The following HMCN1 variants were observed in gnomAD, a reference collection of about 807,000 sequenced individuals.
The protein encoded by HMCN1 is hemicentin-1.
A neutral mutation model predicts 625.9 loss-of-function variants in HMCN1; 321 were observed. The ratio of observed to expected loss-of-function variants is 0.51; its 90% CI spans 0.47 to 0.56. HMCN1 has a LOEUF of 0.56. Among genes scored for constraint, HMCN1 ranks in the 20% least tolerant of loss-of-function variants. The probability of loss-of-function intolerance (pLI) is 0.00; values close to 1 mark genes in which losing one functional copy is unlikely to be tolerated. For missense variants in HMCN1, 6,588 were observed against 6,887.3 expected, an observed-to-expected ratio of 0.96 and a Z score of 1.54; for synonymous variants, 2,425 against 2,417.6, an observed-to-expected ratio of 1.00 and a Z score of -0.09.
chr1:185,923,169 TG>T (rs1368038489), intron 7 of HMCN1, among the ~76,000 whole-genome samples: 1 of 152,210 alleles, frequency 6.6e-6, no homozygotes, highest in East Asian at 1.9e-4. Context: ...TTTTTTTACA[TG>T]TAAACATAGT....
At position 185,923,581 on chromosome 1, in the gene HMCN1, G is replaced by C. The variant is rs1307418381; in HGVS notation, c.1213G>C (p.Val405Leu). ...VPPNEAFFLK[V>L]TGYDKDDYLF... ...ACCAAATGAAGCTTTCTTTCTCAAA[G>C]TAACAGGCTATGATAAAGATGATTA... Residue 405 changes from valine (V) to leucine (L), a missense_variant, in exon 8 of 107, where the codon GTA becomes CTA. Physicochemically the swap from Val to Leu is conservative, Grantham distance 32. This residue lies in a region of HMCN1 where 4,628 missense variants were observed against 4,853.1 expected (regional missense o/e 0.95). Coordinates refer to ENST00000271588, the MANE Select transcript of HMCN1 (RefSeq NM_031935.3). 6.2e-7 allele frequency: 1 copy of C among 1,609,922 alleles called. No homozygotes were observed. The highest frequency in any genetic ancestry group is 1.3e-5 in the African/African-American group (1 of 74,852).
chr1:185,978,269 T>C, intron 16 of HMCN1: 1 of 311,862 alleles, frequency 3.2e-6, no homozygotes, highest in Non-Finnish European at 6.0e-6. Flanking sequence ...TCTGAGCCTT[T>C]ACATAGATAA....
intron 36 of HMCN1, among the ~76,000 whole-genome samples, chr1:186,037,170 T>C (rs1211557930): frequency 6.6e-6 from 1 of 152,028 alleles, no homozygotes; most frequent in Non-Finnish European, 1.5e-5. Flanking sequence ...TTTTTTTCTA[T>C]CAACTTCAGA....
intron 26 of HMCN1, 120 bp from the exon 27 acceptor site, chr1:186,001,178 T>C: frequency 2.3e-6 from 2 of 851,580 alleles, no homozygotes; most frequent in Non-Finnish European, 3.7e-6. Context: ...TGCTTAAATA[T>C]GTCTAGCTTT....
At position 186,093,273 on chromosome 1, in the gene HMCN1, T is replaced by A; in HGVS notation, c.10012+15T>A. 3 of 1,613,140 alleles carry A rather than the reference T, an allele frequency of 1.9e-6. No homozygotes were observed. The highest frequency in any genetic ancestry group is 2.2e-5 in the South Asian group (2 of 91,068). On this transcript the variant is annotated intron_variant, in intron 65 of 106. Transcript: ENST00000271588. ...GAATGTCTATGGTAAATATGAAATA[T>A]CCCCCTCTTTTGATGATGCTGCCTT... is the stretch of plus-strand genomic sequence containing the variant.
rs1246322277 is a variant in HMCN1, at chr1:186,095,144, A to C, written c.10295-99A>C. 5 of 1,218,304 alleles carry C rather than the reference A, an allele frequency of 4.1e-6. 1 individual carries two copies. The highest frequency in any genetic ancestry group is 1.5e-5 in the African/African-American group (1 of 65,664). 75.5% of individuals were successfully genotyped at this position (1,218,304 alleles called of 1,614,324 possible). The stretch of plus-strand genomic sequence containing the variant: ...CAATTTTAAAGTATATATTTTTATC[A>C]ACCACAGAAACATTATAGAATTATT... On this transcript the variant is annotated intron_variant, in intron 67 of 106. Transcript: ENST00000271588.
chr1:186,162,578 C>T (rs1183750734), intron 97 of HMCN1, among the ~76,000 whole-genome samples: 3 of 152,180 alleles, frequency 2.0e-5, no homozygotes, highest in Non-Finnish European at 4.4e-5. Context: ...TGGTGATGTA[C>T]AGATGGGTTT....
intron 1 of HMCN1, among the ~76,000 whole-genome samples, chr1:185,748,034 ATTTTTTTTT>A (rs36021341): frequency 1.6e-4 from 19 of 118,146 alleles, no homozygotes; most frequent in African/African-American, 5.3e-4. Flanking sequence ...GGTACTTAAA[ATTTTTTTTT>A]TTTTTTTTTT....
In HMCN1 at chr1:186,187,980, A is replaced by C. The variant is rs759183557; in HGVS notation, c.16512A>C (p.Pro5504=). 20 of 1,613,668 alleles carry C rather than the reference A, an allele frequency of 1.2e-5. No individual in the cohort carries two copies. In the African/African-American group the frequency reaches 1.9e-4, roughly 15 times the overall value. The change falls in exon 106 of 107, where the codon CCA becomes CCC. Residue 5504 remains proline (P), a synonymous_variant. Coordinates refer to ENST00000271588, the MANE Select transcript of HMCN1 (RefSeq NM_031935.3). ...ACCAGTGCATCGATACACCCTGTCCACCCAACTACCAACGGGATCCTGTTT... is the reference window on the plus strand; with the variant it reads ...ACCAGTGCATCGATACACCCTGTCCCCCCAACTACCAACGGGATCCTGTTT... ...GSYQCIDTPC[P]PNYQRDPVSG... is the part of the protein sequence containing the mutation.
chr1:185,999,669 T>C (rs1353683907), intron 25 of HMCN1, among the ~76,000 whole-genome samples: 1 of 152,128 alleles, frequency 6.6e-6, no homozygotes, highest in Non-Finnish European at 1.5e-5. Flanking sequence ...GATGGTGTCT[T>C]ATTTTTGCTC....
intron 1 of HMCN1, among the ~76,000 whole-genome samples, chr1:185,752,077 A>G (rs1436771420): frequency 6.6e-6 from 1 of 151,762 alleles, no homozygotes; most frequent in Non-Finnish European, 1.5e-5. Context: ...AGGGGTTTGC[A>G]TTTGCTTTTT....
At chr1:185,928,469 A>G in intron 9 of HMCN1, 77 bp from the exon 10 acceptor site, 1 of 1,249,130 alleles carries the variant, frequency 8.0e-7, no homozygotes. Flanking sequence ...TGAACCTTCA[A>G]AAGAAATAGT....
At chr1:185,738,778 A>G (rs1653773731) in intron 1 of HMCN1, among the ~76,000 whole-genome samples, 1 of 152,236 alleles carries the variant, frequency 6.6e-6, no homozygotes, top group Admixed American at 6.5e-5. Context: ...ATAGATTTAT[A>G]AAGCTCTTCT....
At chr1:186,150,134 A>G in intron 93 of HMCN1, among the ~76,000 whole-genome samples, 1 of 63,206 alleles carries the variant, frequency 1.6e-5, no homozygotes, top group East Asian at 1.1e-3. Flanking sequence ...TTCAATTTGT[A>G]AAAAAAACGC....
chr1:186,117,030 T>C lies in HMCN1; in HGVS notation c.11598T>C (p.Pro3866=). The change falls in exon 76 of 107, where the codon CCT becomes CCC. Residue 3866 remains proline, a synonymous_variant. Coordinates refer to ENST00000271588, the MANE Select transcript of HMCN1 (RefSeq NM_031935.3). ...CAGGTTCACTAGTAATTATTTCCCC[T>C]TCTGTGGATGACACTGCAACCTATG... ...LSSGSLVIIS[P]SVDDTATYEC... is the part of the protein sequence containing the mutation. The C allele has an allele frequency of 6.2e-7, 1 of 1,613,378 alleles. No individual in the cohort carries two copies. Among genetic ancestry groups the C allele is most frequent in the Non-Finnish European group, 8.5e-7 (1 of 1,179,440 alleles).
At chr1:186,057,445 C>A in intron 46 of HMCN1, 44 bp downstream of exon 46, 1 of 1,312,634 alleles carries the variant, frequency 7.6e-7, no homozygotes, top group Non-Finnish European at 1.1e-6. Flanking sequence ...TAGCTTCATA[C>A]GGCTACAATT....
chr1:185,901,174 G>A (rs954497871), intron 4 of HMCN1, among the ~76,000 whole-genome samples: 2 of 151,782 alleles, frequency 1.3e-5, no homozygotes, highest in African/African-American at 4.8e-5. Flanking sequence ...CTTAAGCCAG[G>A]ACGCAATTTG....
chr1:185,861,831 C>A (rs952870940), intron 2 of HMCN1, among the ~76,000 whole-genome samples: 2 of 152,150 alleles, frequency 1.3e-5, no homozygotes, highest in Admixed American at 1.3e-4. Flanking sequence ...ATTATCTCAA[C>A]CATTGTGAGA....
intron 100 of HMCN1, among the ~76,000 whole-genome samples, chr1:186,170,176 CT>C (rs1365824586): frequency 6.6e-6 from 1 of 152,038 alleles, no homozygotes; most frequent in African/African-American, 2.4e-5. Context: ...CAACAAGATG[CT>C]GGAGAGGAGG....
Sources: gnomAD v4.1 joint callset for allele counts (sites outside exome capture counted in the v4.1 genomes callset) on GRCh38, gnomAD v4.1.1 for gene constraint, gnomAD v4.1.1 regional missense constraint, MANE v1.5 for transcripts, NCBI Gene and HGNC (gene_info 2026-07-23, HGNC 2026-07-21) for gene names.